The following CACNB2 variants were observed in gnomAD, a reference collection of about 807,000 sequenced individuals.
The protein encoded by CACNB2 is voltage-dependent L-type calcium channel subunit beta-2.
Under a neutral mutation model 73.3 loss-of-function variants are expected in CACNB2, and 42 were observed. The observed-to-expected ratio is 0.57, with a 90% CI of 0.45 to 0.74. The LOEUF (loss-of-function observed/expected upper bound fraction) is 0.74, where lower values mean the gene tolerates loss of function less well. CACNB2 is among the 30% of genes least tolerant of loss of function. The pLI is 0.00. For synonymous variants in CACNB2, 348 were observed against 310.3 expected (o/e 1.12, Z -1.28); for missense variants, 940 against 853.0 (o/e 1.10, Z -1.27).
intron 10 of CACNB2, among the ~76,000 whole-genome samples, chr10:18,531,179 A>T (rs924644501): frequency 6.6e-6 from 1 of 152,214 alleles, no homozygotes; most frequent in Non-Finnish European, 1.5e-5. Context: ...CAATGAAAGT[A>T]ACCATCTCTA....
At chr10:18,287,458 G>T (rs2038852279) in intron 2 of CACNB2, among the ~76,000 whole-genome samples, 1 of 152,202 alleles carries the variant, frequency 6.6e-6, no homozygotes, top group Non-Finnish European at 1.5e-5. Flanking sequence ...TTAGTGATTT[G>T]ACATCTGTAT....
At chr10:18,467,899 T>C (rs2047984758) in intron 3 of CACNB2, among the ~76,000 whole-genome samples, 1 of 152,256 alleles carries the variant, frequency 6.6e-6, no homozygotes, top group Admixed American at 6.5e-5. Flanking sequence ...TTTCCTGTTT[T>C]GTTATGTTCA....
At chr10:18,304,399 A>C (rs948126538) in intron 2 of CACNB2, among the ~76,000 whole-genome samples, 1 of 152,272 alleles carries the variant, frequency 6.6e-6, no homozygotes, top group Non-Finnish European at 1.5e-5. Flanking sequence ...GCTTAAAAAA[A>C]GTATTCAGCA....
At chr10:18,215,673 C>T (rs549482219) in intron 2 of CACNB2, among the ~76,000 whole-genome samples, 2 of 152,218 alleles carry the variant, frequency 1.3e-5, no homozygotes, top group East Asian at 3.9e-4. Flanking sequence ...CTTGGGATGT[C>T]CTGAATATGT....
At chr10:18,315,528 A>AAC (rs1306024951) in intron 2 of CACNB2, among the ~76,000 whole-genome samples, 1,574 of 90,172 alleles carry the variant, frequency 0.017, 128 homozygotes, top group African/African-American at 0.063. Context: ...AAAAAAAAAA[A>AAC]CTTTTTTTTT....
intron 2 of CACNB2, among the ~76,000 whole-genome samples, chr10:18,246,448 A>T (rs955776644): frequency 3.9e-5 from 6 of 152,146 alleles, no homozygotes; most frequent in Admixed American, 3.3e-4. Flanking sequence ...TTCCTCTGTT[A>T]CATAAATGAG....
At chr10:18,324,418 G>A (rs564620958) in intron 2 of CACNB2, among the ~76,000 whole-genome samples, 1 of 152,326 alleles carries the variant, frequency 6.6e-6, no homozygotes, top group South Asian at 2.1e-4. Context: ...AGCCTTGCCA[G>A]TCGCAAATAC....
chr10:18,203,236 T>C (rs1177935374), intron 2 of CACNB2, among the ~76,000 whole-genome samples: 3 of 152,206 alleles, frequency 2.0e-5, no homozygotes, highest in African/African-American at 7.2e-5. Flanking sequence ...GTCGAAATTA[T>C]AGCCGAATGA....
At chr10:18,185,836 A>G (rs2034123912) in intron 2 of CACNB2, among the ~76,000 whole-genome samples, 1 of 152,178 alleles carries the variant, frequency 6.6e-6, no homozygotes, top group African/African-American at 2.4e-5. Context: ...GATATGGTAG[A>G]GAACAAAGCA....
chr10:18,524,207 GTTTT>G (rs112945151), intron 9 of CACNB2, among the ~76,000 whole-genome samples: 72 of 145,642 alleles, frequency 4.9e-4, no homozygotes, highest in Middle Eastern at 7.0e-3. Context: ...TAAATTCACG[GTTTT>G]TTTTTTTTGT....
chr10:18,151,171 T>G, intron 2 of CACNB2, 196 bp downstream of exon 2: 1 of 521,742 alleles, frequency 1.9e-6, no homozygotes. Context: ...TTACACTCTT[T>G]CCTGGCAAGT....
intron 2 of CACNB2, among the ~76,000 whole-genome samples, chr10:18,371,163 A>G (rs575816610): frequency 3.3e-5 from 5 of 151,976 alleles, no homozygotes; most frequent in Non-Finnish European, 5.9e-5. Flanking sequence ...TCATTCTTAA[A>G]CATGTGCATA....
At chr10:18,332,021 G>A (rs9645525) in intron 2 of CACNB2, among the ~76,000 whole-genome samples, 85,129 of 151,886 alleles carry the variant, frequency 0.56, 24,959 homozygotes, top group African/African-American at 0.74. Context: ...GGACACCAAT[G>A]TGGCTGCAGT....
intron 3 of CACNB2, among the ~76,000 whole-genome samples, chr10:18,497,221 AAAAG>A (rs1294557031): frequency 6.6e-5 from 10 of 151,458 alleles, no homozygotes; most frequent in Admixed American, 5.3e-4. Flanking sequence ...AAAAAAAAAA[AAAAG>A]AAAAGAAGAA....
Position 18,356,639 on chromosome 10 carries a change from A to ATT in CACNB2, c.214-45275_214-45274dup, listed in dbSNP as rs199790817. On this transcript the variant is annotated intron_variant, in intron 2 of 13. Transcript: ENST00000324631. The stretch of plus-strand genomic sequence containing the variant: ...CTCCTCTCGTCTCTTTTTCTCCTTC[A>ATT]TTTTTTTTTTTAACAGAGTCTTACT... Among the ~76,000 whole-genome samples the ATT allele has an allele frequency of 3.8e-3, 550 of 144,298 alleles. 3 individuals carry two copies. Among genetic ancestry groups the ATT allele is most frequent in the African/African-American group, 0.013 (496 of 39,494 alleles). The allele number at this position is 144,298 out of a possible 152,430, so 94.7% of individuals were successfully genotyped here.
intron 2 of CACNB2, among the ~76,000 whole-genome samples, chr10:18,298,123 C>T (rs1163488828): frequency 6.6e-6 from 1 of 152,160 alleles, no homozygotes; most frequent in Admixed American, 6.5e-5. Flanking sequence ...AATCCTAGCA[C>T]TTTGGAAGGC....
intron 3 of CACNB2, among the ~76,000 whole-genome samples, chr10:18,447,066 A>T (rs922261495): frequency 3.3e-5 from 5 of 152,112 alleles, no homozygotes; most frequent in Non-Finnish European, 5.9e-5. Flanking sequence ...TCTCAAAAAA[A>T]AAAAATAAAT....
chr10:18,170,586 G>A (rs923044733), intron 2 of CACNB2, among the ~76,000 whole-genome samples: 6 of 152,146 alleles, frequency 3.9e-5, no homozygotes, highest in Non-Finnish European at 5.9e-5. Flanking sequence ...CTTAGTCTTC[G>A]TGATAAAACC....
chr10:18,216,827 A>G (rs1003945769), intron 2 of CACNB2, among the ~76,000 whole-genome samples: 2 of 152,196 alleles, frequency 1.3e-5, no homozygotes, highest in Non-Finnish European at 2.9e-5. Flanking sequence ...AGCAAGCATA[A>G]ATAAATACAT....
Sources: allele counts gnomAD v4.1 joint callset (sites outside exome capture counted in the v4.1 genomes callset), GRCh38; gene constraint gnomAD v4.1.1; transcripts MANE v1.5; gene names NCBI Gene and HGNC (gene_info 2026-07-23, HGNC 2026-07-21).